The following ARHGAP4 variants were observed in gnomAD, a reference collection of about 807,000 sequenced individuals.
ARHGAP4 encodes the protein rho GTPase-activating protein 4.
ARHGAP4 carries 25 observed loss-of-function variants against 67.6 expected under a neutral mutation model. That is an observed-to-expected ratio of 0.37 (90% CI 0.27 to 0.52). The LOEUF is 0.52. Among genes scored for constraint, ARHGAP4 ranks in the 20% least tolerant of loss-of-function variants. The pLI is 0.92. For missense variants in ARHGAP4, 804 were observed against 854.6 expected, an observed-to-expected ratio of 0.94 and a Z score of 0.74; for synonymous variants, 448 against 373.7, an observed-to-expected ratio of 1.20 and a Z score of -2.29.
intron 7 of ARHGAP4, among the ~76,000 whole-genome samples, 181 bp downstream of exon 7, chrX:153,918,651 T>C (rs911996117): frequency 3.6e-5 from 4 of 112,556 alleles, no homozygotes; most frequent in African/African-American, 6.5e-5. Flanking sequence ...TCCTTGGCCA[T>C]TGCGGGGGTG....
intron 8 of ARHGAP4, 29 bp from the exon 9 acceptor site, chrX:153,913,629 A>C: frequency 8.4e-7 from 1 of 1,186,388 alleles, no homozygotes; most frequent in Non-Finnish European, 1.1e-6. Context: ...CAGGGTGGTA[A>C]GAGGTGGGGG....
At chrX:153,916,882 A>G (rs782510278) in intron 7 of ARHGAP4, among the ~76,000 whole-genome samples, 1 of 112,336 alleles carries the variant, frequency 8.9e-6, no homozygotes, top group Admixed American at 9.4e-5. Flanking sequence ...GTTCGAGACA[A>G]GCCTGGCCAA....
In ARHGAP4 at chrX:153,909,943, C is replaced by A. The variant is rs1265451022; in HGVS notation, c.2231-19G>T. ...TCCAGGTCTGGGGAGGAGAGGGGGT[C>A]CAAGCTGTGGGAGGGGGTGTGGACA... On this transcript the variant is annotated intron_variant, in intron 18 of 21. Transcript: ENST00000350060. The A allele has an allele frequency of 8.3e-7, 1 of 1,208,686 alleles. No homozygotes were observed. Among genetic ancestry groups the A allele is most frequent in the Non-Finnish European group, 1.1e-6 (1 of 894,251 alleles).
chrX:153,910,469 C>A, intron 16 of ARHGAP4, 37 bp downstream of exon 16: 3 of 1,169,735 alleles, frequency 2.6e-6, no homozygotes, highest in Non-Finnish European at 3.5e-6. Context: ...CCCTCGACCC[C>A]TGGCCCCCAC....
chrX:153,920,760 C>T lies in ARHGAP4; in HGVS notation c.547G>A (p.Ala183Thr). Residue 183 changes from alanine to threonine, a missense_variant, in exon 5 of 22, where the codon GCC becomes ACC. Around this residue, in one of 2 missense-constraint regions of ARHGAP4, gnomAD observed 404 missense variants for 505.9 expected, o/e 0.80. Coordinates refer to ENST00000350060, the MANE Select transcript of ARHGAP4 (RefSeq NM_001666.5). ...AYHMESVNAE[A>T]KLREAERQEE... Reference sequence around the variant, plus strand: ...TGCCGCTCGGCCTCCCGGAGCTTGGCCTCGGCATTCACGCTCTCCATGTGA... The same window carrying T: ...TGCCGCTCGGCCTCCCGGAGCTTGGTCTCGGCATTCACGCTCTCCATGTGA... 1 of 1,212,137 alleles carries T rather than the reference C, an allele frequency of 8.2e-7. No individual in the cohort carries two copies. The highest frequency in any genetic ancestry group is 1.1e-6 in the Non-Finnish European group (1 of 895,638).
intron 5 of ARHGAP4, among the ~76,000 whole-genome samples, chrX:153,920,018 T>G (rs1423741770): frequency 2.7e-5 from 3 of 111,381 alleles, no homozygotes; most frequent in Non-Finnish European, 5.7e-5. Context: ...AACTCCTGAC[T>G]TCGTGATCCA....
At chrX:153,917,785 C>A (rs1011221126) in intron 7 of ARHGAP4, among the ~76,000 whole-genome samples, 5 of 112,149 alleles carry the variant, frequency 4.5e-5, no homozygotes, top group Non-Finnish European at 7.5e-5. Flanking sequence ...ACAAAGAATA[C>A]AGACATTTTC....
intron 2 of ARHGAP4, 35 bp from the exon 3 acceptor site, chrX:153,921,562 A>G (rs374446572): frequency 1.5e-5 from 18 of 1,202,406 alleles, no homozygotes; most frequent in Non-Finnish European, 2.0e-5. Context: ...CTGGGAGCGG[A>G]GCTTGGGCCC....
chrX:153,924,489 C>T (rs782721853), intron 1 of ARHGAP4, among the ~76,000 whole-genome samples: 3 of 111,974 alleles, frequency 2.7e-5, no homozygotes, highest in East Asian at 5.6e-4. Flanking sequence ...TTCTTGGCAC[C>T]GTGCACTTTC....
chrX:153,921,468 C>A lies in ARHGAP4; in HGVS notation c.332G>T (p.Arg111Leu). 8.3e-7 allele frequency: 1 copy of A among 1,203,319 alleles called. No homozygotes were observed. The highest frequency in any genetic ancestry group is 1.1e-6 in the Non-Finnish European group (1 of 891,814). The part of the protein sequence containing the change: ...HCWAVLLQHT[R>L]QQSRESAALS... ...GGCCGCGCTCTCCCGGCTCTGCTGC[C>A]GCGTGTGCTGCAGCAGCACCGCCCA... is the stretch of plus-strand genomic sequence containing the variant. Residue 111 changes from arginine (R) to leucine (L), a missense_variant, in exon 3 of 22, where the codon CGG becomes CTG. Around this residue, in one of 2 missense-constraint regions of ARHGAP4, gnomAD observed 404 missense variants for 505.9 expected, o/e 0.80. Coordinates refer to ENST00000350060, the MANE Select transcript of ARHGAP4 (RefSeq NM_001666.5).
chrX:153,909,025 TC>T, intron 21 of ARHGAP4, 44 bp downstream of exon 21: 2 of 1,163,694 alleles, frequency 1.7e-6, no homozygotes, highest in African/African-American at 1.8e-5. Context: ...GAGGCAGAGA[TC>T]CCCCAGGACA....
intron 21 of ARHGAP4, among the ~76,000 whole-genome samples, chrX:153,908,365 C>A (rs1399279361): frequency 1.8e-5 from 2 of 112,001 alleles, no homozygotes; most frequent in Admixed American, 9.4e-5. Flanking sequence ...TCTACCGGAC[C>A]CTCCCTGGGC....
Position 153,918,819 on chromosome X carries a change from G to T in ARHGAP4, c.1032+13C>A. On this transcript the variant is annotated intron_variant, in intron 7 of 21. Transcript: ENST00000350060. The stretch of plus-strand genomic sequence containing the variant: ...GCCAGAGAATGCCAAGCCCAGCAGG[G>T]GGTGACCCTCACCTCATCCCCATCA... 4.1e-6 allele frequency: 5 copies of T among 1,207,978 alleles called. No homozygotes were observed. Among genetic ancestry groups the T allele is most frequent in the Non-Finnish European group, 5.6e-6 (5 of 891,964 alleles).
rs1417711316 is a variant in ARHGAP4, at chrX:153,918,898, G to A, written c.966C>T (p.Leu322=). The change falls in exon 7 of 22, where the codon CTC becomes CTT. Residue 322 remains leucine (L), a synonymous_variant. Coordinates refer to ENST00000350060, the MANE Select transcript of ARHGAP4 (RefSeq NM_001666.5). ...LDPPGDKAKV[L]EVHATVFCPP... ...GACAGAAGACGGTAGCATGCACCTC[G>A]AGAACCTTGGCTTTGTCCCCTGGAG... 3.3e-6 allele frequency: 4 copies of A among 1,210,755 alleles called. No individual in the cohort carries two copies. Among genetic ancestry groups the A allele is most frequent in the Admixed American group, 4.4e-5 (2 of 45,936 alleles).
chrX:153,914,644 C>T (rs1271489666), intron 7 of ARHGAP4, among the ~76,000 whole-genome samples: 1 of 112,179 alleles, frequency 8.9e-6, no homozygotes, highest in Non-Finnish European at 1.9e-5. Flanking sequence ...TTGCAGTGAG[C>T]CAAGATGGAG....
intron 21 of ARHGAP4, among the ~76,000 whole-genome samples, chrX:153,908,165 A>G (rs1557101733): frequency 9.0e-6 from 1 of 111,680 alleles, no homozygotes; most frequent in Non-Finnish European, 1.9e-5. Context: ...TCCTCTGAGG[A>G]CAGCAATTCC....
At chrX:153,915,788 A>C (rs1159794866) in intron 7 of ARHGAP4, among the ~76,000 whole-genome samples, 5 of 111,718 alleles carry the variant, frequency 4.5e-5, no homozygotes, top group Admixed American at 3.8e-4. Flanking sequence ...CCCTCTCTCT[A>C]GAGAAAAAAT....
At chrX:153,920,602 G>T in intron 5 of ARHGAP4, 24 bp downstream of exon 5, 1 of 1,182,441 alleles carries the variant, frequency 8.5e-7, no homozygotes, top group Non-Finnish European at 1.1e-6. Context: ...ATAGGCCTGC[G>T]TCTGAGGTGC....
At chrX:153,908,211 C>T (rs1387098001) in intron 21 of ARHGAP4, among the ~76,000 whole-genome samples, 3 of 111,928 alleles carry the variant, frequency 2.7e-5, no homozygotes, top group Non-Finnish European at 3.8e-5. Context: ...CCCCTCTTCT[C>T]GCCCCCACTC....
Sources: gnomAD v4.1 joint callset for allele counts (sites outside exome capture counted in the v4.1 genomes callset) on GRCh38, gnomAD v4.1.1 for gene constraint, gnomAD v4.1.1 regional missense constraint, MANE v1.5 for transcripts, NCBI Gene and HGNC (gene_info 2026-07-23, HGNC 2026-07-21) for gene names.